The following SMYD3 variants were observed in gnomAD, a reference collection of about 807,000 sequenced individuals.
SMYD3 encodes histone-lysine N-methyltransferase SMYD3.
Under a neutral mutation model 57.7 loss-of-function variants are expected in SMYD3, and 36 were observed. That is an observed-to-expected ratio of 0.62 (90% CI 0.48 to 0.82). SMYD3 has a LOEUF of 0.82. SMYD3 is among the 40% of genes least tolerant of loss of function. The pLI is 0.00. For synonymous variants in SMYD3, 211 were observed against 195.0 expected, an observed-to-expected ratio of 1.08 and a Z score of -0.68; for missense variants, 515 against 538.8, an observed-to-expected ratio of 0.96 and a Z score of 0.44.
intron 5 of SMYD3, among the ~76,000 whole-genome samples, chr1:246,264,953 C>T (rs978684498): frequency 2.0e-5 from 3 of 152,060 alleles, no homozygotes; most frequent in Non-Finnish European, 2.9e-5. Flanking sequence ...ATTTAGTTTC[C>T]AACTGATAAT....
chr1:245,969,342 C>T (rs1355933548), intron 5 of SMYD3, among the ~76,000 whole-genome samples: 2 of 152,204 alleles, frequency 1.3e-5, no homozygotes, highest in East Asian at 3.9e-4. Context: ...ATGACATGGA[C>T]ACTGTTCTGC....
Position 246,020,599 on chromosome 1 carries a change from C to T in SMYD3, c.532-90662G>A, listed in dbSNP as rs547754383. ...TATGATGAAATCATAACAATAATAA[C>T]AGTAGCTAACACTTATTGAACTGAG... On this transcript the variant is annotated intron_variant, in intron 5 of 11. Coordinates refer to ENST00000490107, the MANE Select transcript of SMYD3 (RefSeq NM_001167740.2). 1.6e-4 allele frequency among the ~76,000 whole-genome samples: 25 copies of T among 152,242 alleles called. 1 individual carries two copies. The South Asian group carries it at 5.2e-3, about 32-fold the overall frequency.
intron 1 of SMYD3, among the ~76,000 whole-genome samples, chr1:246,456,230 C>T (rs554909287): frequency 6.6e-6 from 1 of 152,314 alleles, no homozygotes; most frequent in East Asian, 1.9e-4. Flanking sequence ...GAATATCTCT[C>T]TCTTGAGTTG....
At chr1:246,283,829 A>T (rs1279310841) in intron 5 of SMYD3, among the ~76,000 whole-genome samples, 1 of 152,196 alleles carries the variant, frequency 6.6e-6, no homozygotes, top group African/African-American at 2.4e-5. Flanking sequence ...CAAAAACTGC[A>T]GCACTTGCCA....
intron 5 of SMYD3, among the ~76,000 whole-genome samples, chr1:246,177,922 A>G (rs1380102442): frequency 6.6e-6 from 1 of 152,190 alleles, no homozygotes; most frequent in Non-Finnish European, 1.5e-5. Flanking sequence ...CAGCAGGCTT[A>G]GGGAGGTGCT....
At chr1:246,114,165 T>C (rs6698782) in intron 5 of SMYD3, among the ~76,000 whole-genome samples, 133,465 of 152,206 alleles carry the variant, frequency 0.88, 58,988 homozygotes, top group African/African-American at 0.97. Context: ...TAGAGAGACA[T>C]TTCCGTGTCC....
intron 10 of SMYD3, among the ~76,000 whole-genome samples, chr1:245,764,784 C>T (rs2045998841): frequency 6.6e-6 from 1 of 152,026 alleles, no homozygotes; most frequent in Admixed American, 6.6e-5. Context: ...GAACTCAATC[C>T]ATACTGGACC....
intron 1 of SMYD3, among the ~76,000 whole-genome samples, chr1:246,427,492 C>T (rs1168869980): frequency 6.7e-6 from 1 of 148,690 alleles, no homozygotes; most frequent in East Asian, 2.0e-4. Context: ...TGCACTCCAG[C>T]CTGGGCGACA....
In SMYD3 at chr1:246,165,723, G is replaced by C. The variant is rs149402095; in HGVS notation, c.531+161478C>G. 1.6e-3 allele frequency among the ~76,000 whole-genome samples: 245 copies of C among 151,684 alleles called. 1 individual carries two copies. The highest frequency in any genetic ancestry group is 5.5e-3 in the African/African-American group (227 of 41,142). On this transcript the variant is annotated intron_variant, in intron 5 of 11. Coordinates refer to ENST00000490107, the MANE Select transcript of SMYD3 (RefSeq NM_001167740.2). ...GGTAAAAGTGAATAAAGGTCGGGGA[G>C]TGGAGAAGGTGGCTTGTCTGATTAT...
At chr1:245,898,890 G>T (rs1232473654) in intron 8 of SMYD3, among the ~76,000 whole-genome samples, 1 of 152,050 alleles carries the variant, frequency 6.6e-6, no homozygotes, top group Non-Finnish European at 1.5e-5. Context: ...TTCTGACCTG[G>T]GCAAGCCATG....
intron 10 of SMYD3, among the ~76,000 whole-genome samples, chr1:245,812,446 G>GT (rs2048526304): frequency 6.6e-6 from 1 of 152,116 alleles, no homozygotes; most frequent in Non-Finnish European, 1.5e-5. Flanking sequence ...AGTGAACACC[G>GT]TCAGGAAGAC....
intron 5 of SMYD3, among the ~76,000 whole-genome samples, chr1:245,982,946 T>C (rs946870113): frequency 6.6e-6 from 1 of 152,202 alleles, no homozygotes; most frequent in African/African-American, 2.4e-5. Context: ...AAGACTGCTG[T>C]CAGAAACCAA....
At chr1:246,127,840 G>C (rs2061531109) in intron 5 of SMYD3, among the ~76,000 whole-genome samples, 1 of 151,882 alleles carries the variant, frequency 6.6e-6, no homozygotes, top group Non-Finnish European at 1.5e-5. Context: ...AGGTTGCAGT[G>C]AGCCACGATC....
chr1:246,180,701 G>A (rs2062532082), intron 5 of SMYD3, among the ~76,000 whole-genome samples: 1 of 132,294 alleles, frequency 7.6e-6, no homozygotes, highest in African/African-American at 2.8e-5. Context: ...AGTGCTTGCA[G>A]TGAGCTGAGA....
chr1:245,774,777 T>C (rs1380942300), intron 10 of SMYD3, among the ~76,000 whole-genome samples: 1 of 128,738 alleles, frequency 7.8e-6, no homozygotes, highest in African/African-American at 3.0e-5. Flanking sequence ...ACTGCTGCCA[T>C]CTCGGCTCAC....
chr1:246,011,958 T>C (rs772106855), intron 5 of SMYD3, among the ~76,000 whole-genome samples: 17 of 152,090 alleles, frequency 1.1e-4, no homozygotes, highest in South Asian at 2.1e-4. Context: ...CAGCTACCAA[T>C]TGCTTGCTGG....
chr1:246,242,455 A>G (rs1234467111), intron 5 of SMYD3, among the ~76,000 whole-genome samples: 4 of 152,182 alleles, frequency 2.6e-5, no homozygotes, highest in Non-Finnish European at 4.4e-5. Context: ...GGTCTGAGAG[A>G]CAGTTTGTTA....
chr1:246,272,550 T>C (rs909805120), intron 5 of SMYD3, among the ~76,000 whole-genome samples: 1 of 152,218 alleles, frequency 6.6e-6, no homozygotes, highest in East Asian at 1.9e-4. Flanking sequence ...GTGGGGTTTT[T>C]TTCCCCCTAC....
intron 1 of SMYD3, among the ~76,000 whole-genome samples, chr1:246,462,390 T>TAC (rs1224747476): frequency 6.6e-6 from 1 of 152,138 alleles, no homozygotes; most frequent in Non-Finnish European, 1.5e-5. Flanking sequence ...TGATCAGCGG[T>TAC]ACCCCCATCC....
Sources: allele counts gnomAD v4.1 joint callset (sites outside exome capture counted in the v4.1 genomes callset), GRCh38; gene constraint gnomAD v4.1.1; transcripts MANE v1.5; gene names NCBI Gene and HGNC (gene_info 2026-07-23, HGNC 2026-07-21).